NHSL1: variants seen among roughly 807,000 people sequenced by gnomAD.
NHSL1 encodes the protein NHS-like protein 1.
Under a neutral mutation model 95.0 loss-of-function variants are expected in NHSL1, and 48 were observed. The ratio of observed to expected loss-of-function variants is 0.51; its 90% CI spans 0.40 to 0.64. The LOEUF is 0.64. NHSL1 is among the 30% of genes least tolerant of loss of function. The pLI is 0.00. For synonymous variants in NHSL1, 783 were observed against 833.9 expected, an observed-to-expected ratio of 0.94 and a Z score of 1.05; for missense variants, 1,971 against 2,077.7, an observed-to-expected ratio of 0.95 and a Z score of 1.00.
At chr6:138,569,988 T>C (rs2114422413) in intron 1 of NHSL1, among the ~76,000 whole-genome samples, 1 of 152,372 alleles carries the variant, frequency 6.6e-6, no homozygotes, top group South Asian at 2.1e-4. Flanking sequence ...ATCTTTTGTA[T>C]CGCTACGTAA....
rs551340580 is a variant in NHSL1, at chr6:138,497,106, G to A, written c.59-735C>T. Among the ~76,000 whole-genome samples the A allele has an allele frequency of 5.9e-5, 9 of 152,184 alleles. No individual in the cohort carries two copies. The East Asian group carries it at 9.6e-4, about 16-fold the overall frequency. On this transcript the variant is annotated intron_variant, in intron 1 of 7. Transcript: ENST00000343505. The stretch of plus-strand genomic sequence containing the variant: ...CAAGACATTAGAGGACAAAATAACA[G>A]GTAAAATCCTGAGAGTAAGATAAAT...
intron 1 of NHSL1, among the ~76,000 whole-genome samples, chr6:138,682,371 AT>A (rs1429289283): frequency 1.3e-5 from 2 of 152,190 alleles, no homozygotes; most frequent in Non-Finnish European, 1.5e-5. Flanking sequence ...TGAAATCATT[AT>A]TTTATATGTG....
chr6:138,652,658 G>T (rs1021280417), intron 1 of NHSL1, among the ~76,000 whole-genome samples: 3 of 152,046 alleles, frequency 2.0e-5, no homozygotes, highest in African/African-American at 7.2e-5. Flanking sequence ...AACACACACT[G>T]CAAAACAAAT....
At chr6:138,510,473 A>AT (rs1554241404) in intron 1 of NHSL1, among the ~76,000 whole-genome samples, 1 of 152,172 alleles carries the variant, frequency 6.6e-6, no homozygotes, top group Non-Finnish European at 1.5e-5. Context: ...TTTTCAAAAC[A>AT]TTTTTTTCAT....
At chr6:138,571,699 A>T (rs1783844770) in intron 1 of NHSL1, 2 of 1,548,766 alleles carry the variant, frequency 1.3e-6, no homozygotes, top group Non-Finnish European at 8.7e-7. Context: ...ATTTTTTAAA[A>T]ATCGAGTCAC....
At chr6:138,466,041 T>TTGGG (rs1554229050) in intron 3 of NHSL1, among the ~76,000 whole-genome samples, 2 of 125,552 alleles carry the variant, frequency 1.6e-5, no homozygotes, top group African/African-American at 2.9e-5. Flanking sequence ...CACTCCTTTT[T>TTGGG]GGGGGGGGGG....
chr6:138,443,154 T>C (rs1395446515), intron 4 of NHSL1, among the ~76,000 whole-genome samples: 1 of 152,008 alleles, frequency 6.6e-6, no homozygotes, highest in Non-Finnish European at 1.5e-5. Context: ...TTGACACATA[T>C]TCAATGTAGG....
chr6:138,636,083 A>G (rs1784885239), intron 1 of NHSL1, among the ~76,000 whole-genome samples: 1 of 150,764 alleles, frequency 6.6e-6, no homozygotes, highest in South Asian at 2.1e-4. Flanking sequence ...AGATAGTGCC[A>G]CTATACTCCA....
At chr6:138,487,522 A>T (rs1458619648) in intron 2 of NHSL1, among the ~76,000 whole-genome samples, 3 of 152,224 alleles carry the variant, frequency 2.0e-5, no homozygotes, top group Non-Finnish European at 4.4e-5. Flanking sequence ...TTAAGATTAC[A>T]CATCCCAGTT....
At chr6:138,575,296 T>C (rs1216725948), upstream of NHSL1, among the ~76,000 whole-genome samples, 2 of 152,194 alleles carry the variant, frequency 1.3e-5, no homozygotes, top group African/African-American at 4.8e-5. Flanking sequence ...GGTGAATTGG[T>C]ATCATTAGTA....
At chr6:138,650,415 G>C (rs1785075184) in intron 1 of NHSL1, 1 of 1,431,006 alleles carries the variant, frequency 7.0e-7, no homozygotes, top group South Asian at 1.1e-5. Flanking sequence ...GAAGGGGTAG[G>C]TCAGCATGCT....
intron 1 of NHSL1, among the ~76,000 whole-genome samples, chr6:138,672,837 T>C (rs1314172260): frequency 6.6e-6 from 1 of 152,252 alleles, no homozygotes; most frequent in East Asian, 1.9e-4. Context: ...GCCAACATGA[T>C]GAAACCTTGT....
chr6:138,559,038 G>A (rs1197345207), intron 1 of NHSL1, among the ~76,000 whole-genome samples: 1 of 151,528 alleles, frequency 6.6e-6, no homozygotes, highest in African/African-American at 2.4e-5. Flanking sequence ...GACAGAGGGA[G>A]ACTCTATCTC....
chr6:138,661,380 A>G (rs1193338008), intron 1 of NHSL1, among the ~76,000 whole-genome samples: 3 of 152,056 alleles, frequency 2.0e-5, no homozygotes, highest in Non-Finnish European at 2.9e-5. Flanking sequence ...CTGTAATTCC[A>G]GCTACGTGGG....
chr6:138,630,452 C>A (rs1365820623), intron 1 of NHSL1, among the ~76,000 whole-genome samples: 2 of 152,028 alleles, frequency 1.3e-5, no homozygotes, highest in Non-Finnish European at 2.9e-5. Context: ...GAGTGCCCAG[C>A]CGAGATCACC....
At chr6:138,437,549 T>A in intron 5 of NHSL1, among the ~76,000 whole-genome samples, 1 of 151,030 alleles carries the variant, frequency 6.6e-6, no homozygotes, top group East Asian at 2.0e-4. Flanking sequence ...CTGCAGCCCA[T>A]GGCTTAAAGA....
At chr6:138,658,034 G>C (rs1331898455) in intron 1 of NHSL1, among the ~76,000 whole-genome samples, 1 of 151,950 alleles carries the variant, frequency 6.6e-6, no homozygotes, top group Non-Finnish European at 1.5e-5. Flanking sequence ...GAAATCTTTT[G>C]CTATCTACAG....
chr6:138,519,736 T>C (rs544062939), intron 1 of NHSL1, among the ~76,000 whole-genome samples: 2 of 152,332 alleles, frequency 1.3e-5, no homozygotes, highest in Admixed American at 6.5e-5. Context: ...TCTAGCAAGG[T>C]AGCTGGAGAA....
At chr6:138,492,232 G>A (rs904741469) in intron 2 of NHSL1, among the ~76,000 whole-genome samples, 12 of 152,226 alleles carry the variant, frequency 7.9e-5, no homozygotes, top group African/African-American at 2.9e-4. Context: ...GGGAGCAGGA[G>A]GGAGTGGGGG....
Sources: gnomAD v4.1 joint callset for allele counts (sites outside exome capture counted in the v4.1 genomes callset) on GRCh38, gnomAD v4.1.1 for gene constraint, MANE v1.5 for transcripts, NCBI Gene and HGNC (gene_info 2026-07-23, HGNC 2026-07-21) for gene names.